EXOC4: variants seen among roughly 807,000 people sequenced by gnomAD.
EXOC4 encodes SEC8-like 1.
A neutral mutation model predicts 107.2 loss-of-function variants in EXOC4; 71 were observed. That is an observed-to-expected ratio of 0.66 (90% CI 0.55 to 0.81). EXOC4 has a LOEUF of 0.81. Among genes scored for constraint, EXOC4 ranks in the 30% least tolerant of loss-of-function variants. The probability of loss-of-function intolerance (pLI) is 0.00; values close to 1 mark genes in which losing one functional copy is unlikely to be tolerated. For missense variants in EXOC4, 1,108 were observed against 1,189.6 expected (o/e 0.93, Z 1.01); for synonymous variants, 456 against 441.2 (o/e 1.03, Z -0.42).
At chr7:133,554,904 A>G (rs1366858633) in intron 9 of EXOC4, among the ~76,000 whole-genome samples, 1 of 152,206 alleles carries the variant, frequency 6.6e-6, no homozygotes, top group East Asian at 1.9e-4. Context: ...TGGATTAACG[A>G]TTGTAAGATA....
the EXOC4 span, among the ~76,000 whole-genome samples, chr7:134,080,519 G>T: frequency 6.6e-6 from 1 of 152,200 alleles, no homozygotes; most frequent in Non-Finnish European, 1.5e-5. Flanking sequence ...TATCACCCTG[G>T]AAGATGGATA....
intron 17 of EXOC4, among the ~76,000 whole-genome samples, chr7:134,018,712 T>C (rs1794963875): frequency 6.6e-6 from 1 of 152,184 alleles, no homozygotes. Flanking sequence ...ATTTTATTCA[T>C]CTAATTTTTA....
chr7:134,027,338 T>C (rs1331330355), intron 17 of EXOC4, among the ~76,000 whole-genome samples: 2 of 151,966 alleles, frequency 1.3e-5, no homozygotes, highest in African/African-American at 4.8e-5. Flanking sequence ...AAAGAAGGAC[T>C]GAGAATATGA....
intron 17 of EXOC4, among the ~76,000 whole-genome samples, chr7:134,017,223 T>C (rs1794929727): frequency 6.6e-6 from 1 of 152,148 alleles, no homozygotes; most frequent in African/African-American, 2.4e-5. Context: ...TTATTAGCCG[T>C]GTAGATTTGG....
intron 11 of EXOC4, among the ~76,000 whole-genome samples, chr7:133,878,702 A>G (rs1798900378): frequency 6.6e-6 from 1 of 151,954 alleles, no homozygotes; most frequent in South Asian, 2.1e-4. Context: ...TTCCTGGTCA[A>G]CTTTCATTTT....
chr7:133,533,731 T>C (rs1416461348), intron 9 of EXOC4, among the ~76,000 whole-genome samples: 1 of 152,146 alleles, frequency 6.6e-6, no homozygotes, highest in Non-Finnish European at 1.5e-5. Context: ...ATTTGTTTTA[T>C]AATTTTGTTT....
intron 7 of EXOC4, among the ~76,000 whole-genome samples, chr7:133,417,822 C>T (rs1159747742): frequency 6.6e-6 from 1 of 152,058 alleles, no homozygotes; most frequent in Non-Finnish European, 1.5e-5. Context: ...AAATAAAAAA[C>T]CAAGGAGTGT....
At chr7:133,375,064 C>A in intron 7 of EXOC4, 62 bp downstream of exon 7, 3 of 1,353,128 alleles carry the variant, frequency 2.2e-6, no homozygotes, top group Non-Finnish European at 2.1e-6. Flanking sequence ...ATAACAACAA[C>A]AACAGCAACA....
At chr7:133,305,734 T>G in intron 3 of EXOC4, 143 bp from the exon 4 acceptor site, 1 of 619,624 alleles carries the variant, frequency 1.6e-6, no homozygotes, top group Non-Finnish European at 2.6e-6. Flanking sequence ...CTAGCCACAT[T>G]ATACTCTACG....
At chr7:133,895,490 T>A in intron 11 of EXOC4, 109 bp from the exon 12 acceptor site, 1 of 1,124,366 alleles carries the variant, frequency 8.9e-7, no homozygotes, top group Non-Finnish European at 1.3e-6. Flanking sequence ...GTCACATTCT[T>A]GCAGGAGAGC....
Position 133,737,164 on chromosome 7 carries a change from A to G in EXOC4, c.1515-80161A>G, listed in dbSNP as rs528831689. Among the ~76,000 whole-genome samples the G allele has an allele frequency of 3.9e-5, 6 of 152,282 alleles. No individual in the cohort carries two copies. In the East Asian group the frequency reaches 7.7e-4, roughly 20 times the overall value. ...AATAACCTAGTAGCTGGTCTTTACT[A>G]TGTACCACACACTGCTGTCATATTT... On this transcript the variant is annotated intron_variant, in intron 10 of 17. Coordinates refer to ENST00000253861, the MANE Select transcript of EXOC4 (RefSeq NM_021807.4).
At chr7:133,492,946 G>A (rs1429124502) in intron 9 of EXOC4, among the ~76,000 whole-genome samples, 1 of 120,030 alleles carries the variant, frequency 8.3e-6, no homozygotes, top group Non-Finnish European at 1.7e-5. Context: ...TCACAGCAGA[G>A]TCTGGGGACT....
downstream of EXOC4, among the ~76,000 whole-genome samples, chr7:134,069,280 C>G (rs1796235392): frequency 8.5e-6 from 1 of 117,622 alleles, no homozygotes; most frequent in Non-Finnish European, 1.7e-5. Context: ...TTCTCCTCCT[C>G]CTTCTCCCCC....
chr7:134,051,757 G>A (rs369007846), intron 17 of EXOC4, among the ~76,000 whole-genome samples: 12 of 151,362 alleles, frequency 7.9e-5, no homozygotes, highest in South Asian at 2.1e-4. Context: ...AGGCCAAGGC[G>A]GGTGGATCAC....
At chr7:133,774,265 T>A (rs1796302277) in intron 10 of EXOC4, among the ~76,000 whole-genome samples, 1 of 152,080 alleles carries the variant, frequency 6.6e-6, no homozygotes. Flanking sequence ...CAGTTCCATA[T>A]GTTACTATAA....
intron 10 of EXOC4, among the ~76,000 whole-genome samples, chr7:133,670,818 A>G (rs1454225380): frequency 1.3e-5 from 2 of 152,232 alleles, no homozygotes; most frequent in Non-Finnish European, 2.9e-5. Context: ...AGTTCCTGTT[A>G]TGTATCAAGT....
chr7:133,329,849 A>T (rs1795338468), intron 5 of EXOC4, among the ~76,000 whole-genome samples: 1 of 152,094 alleles, frequency 6.6e-6, no homozygotes, highest in Admixed American at 6.5e-5. Context: ...CTCCTTTATG[A>T]GGTGTCTGTC....
chr7:133,595,094 G>A (rs1292876377), intron 9 of EXOC4, among the ~76,000 whole-genome samples: 7 of 152,174 alleles, frequency 4.6e-5, no homozygotes, highest in Non-Finnish European at 2.9e-5. Context: ...GGATGGAGGA[G>A]TGTAGGTAAT....
chr7:133,981,756 C>T (rs541875770), intron 14 of EXOC4, among the ~76,000 whole-genome samples: 7 of 151,804 alleles, frequency 4.6e-5, no homozygotes, highest in African/African-American at 1.7e-4. Flanking sequence ...TGGGTATATG[C>T]CCAAAGGAAT....
Sources: allele counts gnomAD v4.1 joint callset (sites outside exome capture counted in the v4.1 genomes callset), GRCh38; gene constraint gnomAD v4.1.1; transcripts MANE v1.5; gene names NCBI Gene and HGNC (gene_info 2026-07-23, HGNC 2026-07-21).